Variants in BRAT1 observed in about 807,000 individuals in gnomAD.
BRAT1 encodes the protein BRCA1 associated ATM activator 1.
BRAT1 carries 74 observed loss-of-function variants against 70.6 expected under a neutral mutation model. The observed-to-expected ratio is 1.05, with a 90% CI of 0.87 to 1.27. The LOEUF is 1.27. BRAT1 is among the 50% of genes most tolerant of loss of function. The pLI is 0.00. For missense variants in BRAT1, 1,203 were observed against 1,098.2 expected (o/e 1.10, Z -1.35); for synonymous variants, 615 against 517.1 (o/e 1.19, Z -2.57).
rs144804514 is a variant in BRAT1, at chr7:2,545,131, C to T, written c.283-75G>A. 3,370 of 1,407,870 alleles carry T rather than the reference C, an allele frequency of 2.4e-3. 67 individuals are homozygous for T. In the African/African-American group the frequency reaches 0.039, roughly 16 times the overall value. 87.2% of individuals were successfully genotyped at this position (1,407,870 alleles called of 1,614,324 possible). On this transcript the variant is annotated intron_variant, in intron 3 of 13. Transcript: ENST00000340611. ...CTGTAATCCCAGCACTTTGGGAGGC[C>T]GAGGAGGGCAGATCACGAGGTCAGG...
At chr7:2,548,890 G>A (rs562816989) in intron 2 of BRAT1, among the ~76,000 whole-genome samples, 11 of 151,658 alleles carry the variant, frequency 7.3e-5, no homozygotes, top group South Asian at 4.2e-4. Context: ...GCTTGAACTC[G>A]GGAGGTGGAG....
rs538740292 is a variant in BRAT1 at position 2,545,137 on chromosome 7, G to A, written c.283-81C>T. The A allele has an allele frequency of 6.1e-5, 85 of 1,395,696 alleles. No homozygotes were observed. In the African/African-American group the frequency reaches 1.1e-3, roughly 18 times the overall value. The allele number at this position is 1,395,696 out of a possible 1,614,324, so 86.5% of individuals were successfully genotyped here. A position where few individuals can be genotyped will look rare whatever the true frequency, so the allele number is the denominator to read the frequency against. ...TCCCAGCACTTTGGGAGGCCGAGGA[G>A]GGCAGATCACGAGGTCAGGAGTTCG... On this transcript the variant is annotated intron_variant, in intron 3 of 13. Coordinates refer to ENST00000340611, the MANE Select transcript of BRAT1 (RefSeq NM_152743.4).
intron 2 of BRAT1, among the ~76,000 whole-genome samples, chr7:2,549,906 G>C (rs1779874578): frequency 6.6e-6 from 1 of 152,186 alleles, no homozygotes; most frequent in Non-Finnish European, 1.5e-5. Flanking sequence ...ATAAATTCCA[G>C]AAAGACACAA....
rs1174942520 is a variant in BRAT1, at chr7:2,552,106, A to ATTTTT, written c.127+2194_127+2198dup. On this transcript the variant is annotated intron_variant, in intron 2 of 13. Coordinates refer to ENST00000340611, the MANE Select transcript of BRAT1 (RefSeq NM_152743.4). ...AATATATATATATATATATATATAT[A>ATTTTT]TTTTTTTTTTTTTTTTTTTTTTTTT... Among the ~76,000 whole-genome samples the ATTTTT allele has an allele frequency of 3.5e-4, 5 of 14,216 alleles. 1 individual carries two copies. Among genetic ancestry groups the ATTTTT allele is most frequent in the African/African-American group, 4.6e-4 (2 of 4,386 alleles). The allele number at this position is 14,216 out of a possible 152,430, so 9.3% of individuals were successfully genotyped here.
Position 2,539,797 on chromosome 7 carries a change from T to C in BRAT1, c.1487A>G (p.Gln496Arg), listed in dbSNP as rs142667367. 1.4e-5 allele frequency: 23 copies of C among 1,611,706 alleles called. No individual in the cohort carries two copies. The African/African-American group carries it at 2.9e-4, about 21-fold the overall frequency. The change falls in exon 11 of 14, where the codon CAG (glutamine) becomes CGG (arginine). Residue 496 changes from glutamine (Q) to arginine (R), a missense_variant. By Grantham distance (43) the Gln-to-Arg change is conservative. Transcript: ENST00000340611. ...GCSDLGPLIP[Q>R]FLRELFPVLQ... ...AGGGGCTGCGTTACCTCTGAGGAAC[T>C]GCGGGATGAGGGGGCCGAGATCAGA...
rs200783996 is a variant in BRAT1, at chr7:2,551,240, CA to C, written c.127+3064del. Among the ~76,000 whole-genome samples, 879 of 121,592 alleles carry C rather than the reference CA, an allele frequency of 7.2e-3. 5 individuals carry two copies. The highest frequency in any genetic ancestry group is 0.022 in the African/African-American group (710 of 32,270). 79.8% of individuals were successfully genotyped at this position (121,592 alleles called of 152,430 possible). ...TGGGCAACAGAGCAAGACTTGGTCTCAAAAAAAAAAAAATCTATATCTATAT... is the reference window on the plus strand; with the variant it reads ...TGGGCAACAGAGCAAGACTTGGTCTCAAAAAAAAAAAATCTATATCTATAT... On this transcript the variant is annotated intron_variant, in intron 2 of 13. Transcript: ENST00000340611.
At chr7:2,554,675 A>T (rs1174755346) in intron 1 of BRAT1, among the ~76,000 whole-genome samples, 2 of 152,236 alleles carry the variant, frequency 1.3e-5, no homozygotes, top group East Asian at 3.8e-4. Flanking sequence ...AAAGGGGCAG[A>T]TGAGGGTCTA....
At position 2,538,733 on chromosome 7, in the gene BRAT1, G is replaced by A; in HGVS notation, c.1802C>T (p.Ser601Phe). The change falls in exon 14 of 14, where the codon TCC (serine) becomes TTC (phenylalanine). Residue 601 changes from serine (S) to phenylalanine (F), a missense_variant. Ser to Phe is a radical substitution (Grantham distance 155, BLOSUM62 -2). Transcript: ENST00000340611. ...CCGTGGGAAGCCCTCCGAGTCTACG[G>A]AGAGGATGTGCAGGAGCTCCAGGAA... ...SLFLELLHIL[S>F]VDSEGFPRRA... The A allele has an allele frequency of 6.3e-7, 1 of 1,598,436 alleles. No homozygotes were observed. The highest frequency in any genetic ancestry group is 8.5e-7 in the Non-Finnish European group (1 of 1,179,874).
chr7:2,554,214 A>T, intron 2 of BRAT1, 91 bp downstream of exon 2: 1 of 1,529,214 alleles, frequency 6.5e-7, no homozygotes, highest in South Asian at 1.2e-5. Flanking sequence ...TTCCTCCAGG[A>T]CAGGGGAGTC....
chr7:2,548,834 G>A (rs779194180), intron 2 of BRAT1, among the ~76,000 whole-genome samples: 2 of 151,964 alleles, frequency 1.3e-5, no homozygotes, highest in African/African-American at 4.8e-5. Flanking sequence ...GCATGGTGGC[G>A]GGCGCCTGTG....
chr7:2,541,885 C>T lies in BRAT1; in HGVS notation c.1016-49G>A, dbSNP rs1479892027. The T allele has an allele frequency of 5.7e-6, 9 of 1,581,272 alleles. No homozygotes were observed. The South Asian group carries it at 7.9e-5, about 14-fold the overall frequency. On this transcript the variant is annotated intron_variant, in intron 7 of 13. Coordinates refer to ENST00000340611, the MANE Select transcript of BRAT1 (RefSeq NM_152743.4). ...TCCCTTAGAGAGCACTTCAGCCTCCCCACGGTCACCAGCCACCCCACGGTC... is the reference window on the plus strand; with the variant it reads ...TCCCTTAGAGAGCACTTCAGCCTCCTCACGGTCACCAGCCACCCCACGGTC...
intron 13 of BRAT1, 171 bp downstream of exon 13, chr7:2,539,008 C>T: frequency 2.1e-6 from 3 of 1,435,626 alleles, no homozygotes; most frequent in Non-Finnish European, 2.7e-6. Context: ...GCGAAGCGCA[C>T]AGGTCCCACA....
chr7:2,546,823 T>C (rs1779642622), intron 3 of BRAT1, among the ~76,000 whole-genome samples: 1 of 152,126 alleles, frequency 6.6e-6, no homozygotes, highest in South Asian at 2.1e-4. Flanking sequence ...TTCTCATTAG[T>C]TATTCATTCA....
chr7:2,543,644 CTCTCCAG>C lies in BRAT1; in HGVS notation c.742_748del (p.Leu248GlufsTer38). 6.5e-7 allele frequency: 1 copy of C among 1,546,114 alleles called. No individual in the cohort carries two copies. The highest frequency in any genetic ancestry group is 1.4e-5 in the African/African-American group (1 of 73,476). Reference sequence around the variant, plus strand: ...CGAGTGTGCGGCGGGGATGGGGTCTCTCTCCAGCAGACAGGCCACGCGGGGACTCAGC... The same window carrying C: ...CGAGTGTGCGGCGGGGATGGGGTCTCCAGACAGGCCACGCGGGGACTCAGC... On this transcript the variant is annotated frameshift_variant, in exon 5 of 14. Coordinates refer to ENST00000340611, the MANE Select transcript of BRAT1 (RefSeq NM_152743.4). LOFTEE classifies it high-confidence loss of function. The surrounding 1 kb of genome is among the most constrained non-coding windows in gnomAD (Gnocchi z 5.5).
intron 2 of BRAT1, among the ~76,000 whole-genome samples, chr7:2,548,889 C>T (rs955123175): frequency 3.9e-5 from 6 of 151,960 alleles, no homozygotes; most frequent in African/African-American, 9.7e-5. Flanking sequence ...TGCTTGAACT[C>T]GGGAGGTGGA....
rs1554292663 is a variant in BRAT1 at position 2,537,829 on chromosome 7, T to TATTA, written c.*236_*239dup. On this transcript the variant is annotated 3_prime_UTR_variant, in exon 14 of 14. Transcript: ENST00000340611. Reference sequence around the variant, plus strand: ...CTGGACCCTTGTCTCAGATCATTATTATTAAATTAACTCAAAAAGGGTTAA... The same window carrying TATTA: ...CTGGACCCTTGTCTCAGATCATTATTATTAATTAAATTAACTCAAAAAGGGTTAA... 1.8e-6 allele frequency: 1 copy of TATTA among 555,314 alleles called. No homozygotes were observed. The highest frequency in any genetic ancestry group is 1.9e-5 in the African/African-American group (1 of 51,604). 34.4% of individuals were successfully genotyped at this position (555,314 alleles called of 1,614,324 possible). A position where few individuals can be genotyped will look rare whatever the true frequency, so the allele number is the denominator to read the frequency against.
chr7:2,541,249 TG>T (rs769718262), intron 9 of BRAT1, 48 bp downstream of exon 9: 26 of 1,493,610 alleles, frequency 1.7e-5, no homozygotes, highest in Non-Finnish European at 2.2e-5. Flanking sequence ...GAAAGGAGAG[TG>T]GGGGCACAGG....
At chr7:2,554,247 TC>T in intron 2 of BRAT1, 57 bp downstream of exon 2, 1 of 1,597,688 alleles carries the variant, frequency 6.3e-7, no homozygotes, top group Non-Finnish European at 8.5e-7. Flanking sequence ...CTGCTCCCTG[TC>T]CCAGCCTCTG....
Position 2,538,407 on chromosome 7 carries a change from C to A in BRAT1, c.2128G>T (p.Asp710Tyr). The change falls in exon 14 of 14, where the codon GAC (aspartate) becomes TAC (tyrosine). Residue 710 changes from aspartate to tyrosine, a missense_variant. Physicochemically the swap from Asp to Tyr is radical, Grantham distance 160 (BLOSUM62 -3). Coordinates refer to ENST00000340611, the MANE Select transcript of BRAT1 (RefSeq NM_152743.4). ...TTCTGCGCCACAGGGCGGTCGCAGTCAAACAAGGCACAAAAGGCGAAGTCA... is the reference window on the plus strand; with the variant it reads ...TTCTGCGCCACAGGGCGGTCGCAGTAAAACAAGGCACAAAAGGCGAAGTCA... ...LFDFAFCALF[D>Y]CDRPVAQKSC... The A allele has an allele frequency of 6.2e-7, 1 of 1,613,424 alleles. No individual in the cohort carries two copies.
Sources: gnomAD v4.1 joint callset for allele counts (sites outside exome capture counted in the v4.1 genomes callset) on GRCh38, gnomAD v4.1.1 for gene constraint, Gnocchi (gnomAD v3.1) non-coding constraint, MANE v1.5 for transcripts, NCBI Gene and HGNC (gene_info 2026-07-23, HGNC 2026-07-21) for gene names.